CIBAR1: variants seen among roughly 807,000 people sequenced by gnomAD.
CIBAR1 encodes the protein CBY1-interacting BAR domain-containing protein 1.
A neutral mutation model predicts 44.0 loss-of-function variants in CIBAR1; 25 were observed. That is an observed-to-expected ratio of 0.57 (90% CI 0.41 to 0.79). The LOEUF (loss-of-function observed/expected upper bound fraction) is 0.79, where lower values mean the gene tolerates loss of function less well. CIBAR1 is among the 30% of genes least tolerant of loss of function. The pLI is 0.00. For synonymous variants in CIBAR1, 115 were observed against 119.0 expected (o/e 0.97, Z 0.22); for missense variants, 278 against 344.8 (o/e 0.81, Z 1.53).
intron 7 of CIBAR1, chr8:93,721,296 T>C (rs1248452305): frequency 6.6e-6 from 1 of 152,210 alleles, no homozygotes; most frequent in Non-Finnish European, 1.5e-5. Flanking sequence ...TTATAAGTAT[T>C]TTCATTCTTC....
At chr8:93,708,964 C>G (rs1352745950) in intron 5 of CIBAR1, among the ~76,000 whole-genome samples, 1 of 152,082 alleles carries the variant, frequency 6.6e-6, no homozygotes, top group Non-Finnish European at 1.5e-5. Context: ...TACAATAGTC[C>G]TATGAGATAA....
intron 5 of CIBAR1, 146 bp downstream of exon 5, chr8:93,708,162 T>C (rs1810678071): frequency 6.3e-6 from 3 of 473,734 alleles, no homozygotes; most frequent in African/African-American, 6.0e-5. Flanking sequence ...AAATGCAAAC[T>C]TTTTCTATGA....
chr8:93,709,657 T>G, intron 5 of CIBAR1, 114 bp from the exon 6 acceptor site: 1 of 773,280 alleles, frequency 1.3e-6, no homozygotes, highest in South Asian at 1.5e-5. Flanking sequence ...ATTAACAATT[T>G]ACACTGTTAT....
chr8:93,721,823 GA>G (rs11289085), intron 7 of CIBAR1, among the ~76,000 whole-genome samples: 95,932 of 149,702 alleles, frequency 0.64, 30,866 homozygotes, highest in East Asian at 0.83. Flanking sequence ...GTCCTATAAA[GA>G]AAAAAAAAAA....
intron 7 of CIBAR1, among the ~76,000 whole-genome samples, chr8:93,723,457 C>T (rs1811351009): frequency 6.6e-6 from 1 of 152,088 alleles, no homozygotes; most frequent in Non-Finnish European, 1.5e-5. Context: ...CCTTCCGTGT[C>T]CTGAAGTTCT....
chr8:93,718,868 TC>T, intron 7 of CIBAR1, 80 bp downstream of exon 7: 1 of 910,104 alleles, frequency 1.1e-6, no homozygotes. Context: ...GTGATTAATA[TC>T]TTTTTTTTTT....
chr8:93,720,362 T>G (rs1811215890), intron 7 of CIBAR1, among the ~76,000 whole-genome samples: 1 of 152,142 alleles, frequency 6.6e-6, no homozygotes, highest in African/African-American at 2.4e-5. Context: ...TCCAGGAAAC[T>G]TAAAACCAGA....
chr8:93,701,793 A>G (rs1267636765), intron 2 of CIBAR1: 1 of 257,960 alleles, frequency 3.9e-6, no homozygotes, highest in African/African-American at 2.2e-5. Flanking sequence ...TGTGTGGCAC[A>G]TAAGTACGTT....
rs1429465092 is a variant in CIBAR1, at chr8:93,730,723, G to C, written c.*2426G>C. On this transcript the variant is annotated 3_prime_UTR_variant, in exon 9 of 9. Coordinates refer to ENST00000518322, the MANE Select transcript of CIBAR1 (RefSeq NM_145269.5). The stretch of plus-strand genomic sequence containing the variant: ...TGTTATTGACATATCACTAAAGGCA[G>C]AGTTGGAGAGAGATGTGCAAAGATG... 6.6e-6 allele frequency: 1 copy of C among 152,210 alleles called. No individual in the cohort carries two copies. The highest frequency in any genetic ancestry group is 2.4e-5 in the African/African-American group (1 of 41,510). 9.4% of individuals were successfully genotyped at this position (152,210 alleles called of 1,614,324 possible). A position where few individuals can be genotyped will look rare whatever the true frequency, so the allele number is the denominator to read the frequency against.
At chr8:93,707,614 A>C (rs1223243065) in intron 4 of CIBAR1, among the ~76,000 whole-genome samples, 3 of 152,126 alleles carry the variant, frequency 2.0e-5, no homozygotes, top group Non-Finnish European at 4.4e-5. Context: ...ATTTTTTCAT[A>C]GTAGTAAGTC....
At chr8:93,721,174 G>T (rs1355109266) in intron 7 of CIBAR1, 1 of 152,192 alleles carries the variant, frequency 6.6e-6, no homozygotes, top group Non-Finnish European at 1.5e-5. Flanking sequence ...TAGACTTCCA[G>T]AAGTATGGTT....
intron 7 of CIBAR1, among the ~76,000 whole-genome samples, chr8:93,725,207 T>G (rs1202430721): frequency 6.6e-6 from 1 of 152,138 alleles, no homozygotes; most frequent in Non-Finnish European, 1.5e-5. Flanking sequence ...GATCTCAAAC[T>G]CCTAGGCTCA....
chr8:93,700,657 C>G lies in CIBAR1; in HGVS notation c.10C>G (p.Arg4Gly). MMR[R>G]TLENRNAQTK... ...CCGTGCGCGAGGCAGCATGATGAGG[C>G]GCACCCTGGAAAACCGGTAACAGCC... The change falls in exon 1 of 9, where the codon CGC (arginine) becomes GGC (glycine). Residue 4 changes from arginine (R) to glycine (G), a missense_variant. Physicochemically the swap from Arg to Gly is moderately radical, Grantham distance 125. Transcript: ENST00000518322. The G allele has an allele frequency of 6.6e-7, 1 of 1,503,804 alleles. No individual in the cohort carries two copies. The highest frequency in any genetic ancestry group is 8.9e-7 in the Non-Finnish European group (1 of 1,127,158). The allele number at this position is 1,503,804 out of a possible 1,614,324, so 93.2% of individuals were successfully genotyped here. A position where few individuals can be genotyped will look rare whatever the true frequency, so the allele number is the denominator to read the frequency against.
intron 7 of CIBAR1, among the ~76,000 whole-genome samples, chr8:93,724,308 G>T (rs1811387692): frequency 6.6e-6 from 1 of 152,170 alleles, no homozygotes; most frequent in South Asian, 2.1e-4. Flanking sequence ...CCTCAGGTGA[G>T]AAATGTATAA....
In CIBAR1 at chr8:93,731,481, AAGAATCAT is replaced by A. The variant is rs2130424197; in HGVS notation, c.*3186_*3193del. ...TAGCTACTTACAAGCTTATACTTTA[AAGAATCAT>A]ACTGAGGTGCTTTTTCATATCAAAT... On this transcript the variant is annotated 3_prime_UTR_variant, in exon 9 of 9. Coordinates refer to ENST00000518322, the MANE Select transcript of CIBAR1 (RefSeq NM_145269.5). 2.0e-5 allele frequency: 3 copies of A among 152,326 alleles called. No homozygotes were observed. Among genetic ancestry groups the A allele is most frequent in the Non-Finnish European group, 4.4e-5 (3 of 68,038 alleles). 9.4% of individuals were successfully genotyped at this position (152,326 alleles called of 1,614,324 possible). A position where few individuals can be genotyped will look rare whatever the true frequency, so the allele number is the denominator to read the frequency against.
intron 6 of CIBAR1, among the ~76,000 whole-genome samples, chr8:93,716,483 G>A (rs1811042917): frequency 6.6e-6 from 1 of 151,892 alleles, no homozygotes; most frequent in Non-Finnish European, 1.5e-5. Flanking sequence ...CATTCCTTTA[G>A]TAAATTATAT....
intron 6 of CIBAR1, among the ~76,000 whole-genome samples, chr8:93,713,550 G>T (rs1810917287): frequency 6.6e-6 from 1 of 152,130 alleles, no homozygotes. Flanking sequence ...TTATAGCTAA[G>T]AATCCACTGC....
intron 7 of CIBAR1, among the ~76,000 whole-genome samples, chr8:93,723,186 T>C (rs371872318): frequency 1.1e-4 from 17 of 152,092 alleles, no homozygotes; most frequent in South Asian, 2.1e-4. Context: ...TTAGTAGAGA[T>C]GGGGTTTCAC....
At chr8:93,720,526 T>G (rs1811223096) in intron 7 of CIBAR1, among the ~76,000 whole-genome samples, 1 of 152,212 alleles carries the variant, frequency 6.6e-6, no homozygotes, top group Non-Finnish European at 1.5e-5. Context: ...TTCCAAACAC[T>G]ACAGCTAAGG....
Sources: gnomAD v4.1 joint callset for allele counts (sites outside exome capture counted in the v4.1 genomes callset) on GRCh38, gnomAD v4.1.1 for gene constraint, MANE v1.5 for transcripts, NCBI Gene and HGNC (gene_info 2026-07-23, HGNC 2026-07-21) for gene names.